Variants in ARMC3 observed in about 807,000 individuals in gnomAD.
ARMC3 encodes the protein armadillo repeat-containing protein 3.
A neutral mutation model predicts 90.3 loss-of-function variants in ARMC3; 74 were observed. That is an observed-to-expected ratio of 0.82 (90% CI 0.68 to 0.99). The LOEUF is 0.99. ARMC3 is among the 50% of genes least tolerant of loss of function. ARMC3 has a pLI of 0.00. For missense variants in ARMC3, 958 were observed against 1,042.8 expected (o/e 0.92, Z 1.12); for synonymous variants, 334 against 361.8 (o/e 0.92, Z 0.87).
At chr10:22,931,442 A>G (rs1044904391) in intron 1 of ARMC3, among the ~76,000 whole-genome samples, 2 of 152,212 alleles carry the variant, frequency 1.3e-5, no homozygotes, top group South Asian at 4.1e-4. Context: ...ATCCGGGCAA[A>G]GGACACAAAT....
At chr10:22,997,325 G>A (rs921766458) in intron 10 of ARMC3, 1 of 152,144 alleles carries the variant, frequency 6.6e-6, no homozygotes, top group African/African-American at 2.4e-5. Flanking sequence ...AACTTGGATG[G>A]GAGACTGCCC....
At chr10:22,984,320 T>C (rs1836315490) in intron 10 of ARMC3, among the ~76,000 whole-genome samples, 1 of 152,142 alleles carries the variant, frequency 6.6e-6, no homozygotes, top group Non-Finnish European at 1.5e-5. Flanking sequence ...TGGTAACATA[T>C]AATGTTGGTG....
chr10:23,006,929 C>T lies in ARMC3; in HGVS notation c.1777C>T (p.Gln593Ter). 1 of 1,613,884 alleles carries T rather than the reference C, an allele frequency of 6.2e-7. No individual in the cohort carries two copies. The highest frequency in any genetic ancestry group is 8.5e-7 in the Non-Finnish European group (1 of 1,179,900). ...GTTGCCTTTGAAGGAGCTCTGCTTA[C>T]AAGAACCAAGTGACCTACGGGCTGT... ...KLLPLKELCLQEPSDLRAVLL... is the reference protein window; with the variant it reads ...KLLPLKELCL Residue 593 changes from glutamine (Q) to a stop codon, truncating the protein, a stop_gained, in exon 14 of 19, where the codon CAA becomes TAA. Transcript: ENST00000298032. LOFTEE classifies it high-confidence loss of function.
At chr10:23,000,994 A>C (rs1293990773) in intron 11 of ARMC3, among the ~76,000 whole-genome samples, 2 of 152,238 alleles carry the variant, frequency 1.3e-5, no homozygotes, top group East Asian at 3.9e-4. Context: ...AGTTCTATCC[A>C]ATTCTTTTCT....
Position 23,001,904 on chromosome 10 carries a change from G to A in ARMC3, c.1426-15G>A. On this transcript the variant is annotated splice_polypyrimidine_tract_variant and intron_variant, in intron 11 of 18. Transcript: ENST00000298032. ...CTACACTCTTAATGTGTAACATTTT[G>A]GTTTCTGCTTTTAGTTAAGAAATTC... 1.2e-6 allele frequency: 2 copies of A among 1,611,792 alleles called. No homozygotes were observed. Among genetic ancestry groups the A allele is most frequent in the Non-Finnish European group, 1.7e-6 (2 of 1,178,960 alleles).
At chr10:23,013,802 G>T (rs193061260) in intron 16 of ARMC3, among the ~76,000 whole-genome samples, 16 of 151,730 alleles carry the variant, frequency 1.1e-4, no homozygotes, top group African/African-American at 3.6e-4. Context: ...GATTTGTGTT[G>T]ATTTATTTGT....
chr10:23,011,947 CT>C (rs1187141886), intron 16 of ARMC3, among the ~76,000 whole-genome samples: 1 of 152,210 alleles, frequency 6.6e-6, no homozygotes, highest in African/African-American at 2.4e-5. Flanking sequence ...TGCTCCCTTG[CT>C]AGGGACAGGC....
intron 10 of ARMC3, among the ~76,000 whole-genome samples, chr10:22,982,244 G>T (rs1836224016): frequency 6.6e-6 from 1 of 152,178 alleles, no homozygotes. Context: ...TGGGCGTGGT[G>T]GCATGCGCCT....
At chr10:22,980,414 T>C (rs987182036) in intron 8 of ARMC3, among the ~76,000 whole-genome samples, 3 of 152,112 alleles carry the variant, frequency 2.0e-5, no homozygotes, top group Admixed American at 6.5e-5. Flanking sequence ...TACCAGTCCC[T>C]GGTACATCTT....
chr10:22,965,235 A>C (rs1835394860), intron 7 of ARMC3, among the ~76,000 whole-genome samples: 1 of 152,210 alleles, frequency 6.6e-6, no homozygotes, highest in Admixed American at 6.5e-5. Flanking sequence ...CATTTCTTAC[A>C]GTGTAAATAT....
chr10:22,946,003 A>C, intron 2 of ARMC3, 141 bp from the exon 3 acceptor site: 1 of 517,432 alleles, frequency 1.9e-6, no homozygotes. Context: ...TTTTAATGAA[A>C]AACTTTGCAG....
At chr10:23,029,441 T>C (rs969524036) in intron 16 of ARMC3, among the ~76,000 whole-genome samples, 5 of 152,332 alleles carry the variant, frequency 3.3e-5, no homozygotes, top group African/African-American at 9.6e-5. Flanking sequence ...GGGTGAAGTA[T>C]GCTTACTCCA....
chr10:22,974,108 C>T (rs1209981180), intron 8 of ARMC3, among the ~76,000 whole-genome samples: 1 of 152,112 alleles, frequency 6.6e-6, no homozygotes, highest in African/African-American at 2.4e-5. Context: ...TTTTTATCCA[C>T]TACTGATTTT....
intron 3 of ARMC3, among the ~76,000 whole-genome samples, chr10:22,950,850 AG>A (rs1453048315): frequency 6.6e-6 from 1 of 152,190 alleles, no homozygotes; most frequent in Non-Finnish European, 1.5e-5. Flanking sequence ...ATATTATAAA[AG>A]TAAACAGAGA....
At chr10:22,956,484 T>C (rs1324115603) in intron 4 of ARMC3, among the ~76,000 whole-genome samples, 2 of 151,992 alleles carry the variant, frequency 1.3e-5, no homozygotes, top group African/African-American at 2.4e-5. Flanking sequence ...GTGCCTGTAA[T>C]CCCACCTACT....
In ARMC3 at chr10:23,027,247, C is replaced by T. The variant is rs528142341; in HGVS notation, c.2046-3349C>T. ...ATCTTTAATAGTTACATCTTCAAAT[C>T]CATGAACACAATACGTCTCATCATT... On this transcript the variant is annotated intron_variant, in intron 16 of 18. Coordinates refer to ENST00000298032, the MANE Select transcript of ARMC3 (RefSeq NM_173081.5). Among the ~76,000 whole-genome samples the T allele has an allele frequency of 2.0e-5, 3 of 152,286 alleles. No homozygotes were observed. In the East Asian group the frequency reaches 5.8e-4, roughly 29 times the overall value.
intron 2 of ARMC3, 54 bp from the exon 3 acceptor site, chr10:22,946,090 A>T: frequency 7.8e-7 from 1 of 1,274,394 alleles, no homozygotes; most frequent in Non-Finnish European, 1.1e-6. Flanking sequence ...TTCATTTTTA[A>T]TGTGATTTTT....
intron 8 of ARMC3, among the ~76,000 whole-genome samples, chr10:22,971,794 C>T (rs1422897304): frequency 1.3e-5 from 2 of 152,056 alleles, no homozygotes; most frequent in Non-Finnish European, 2.9e-5. Context: ...AGCAGCTGTA[C>T]CATTTTACAT....
chr10:22,959,935 A>G, intron 6 of ARMC3: 1 of 434,136 alleles, frequency 2.3e-6, no homozygotes, highest in South Asian at 1.7e-5. Flanking sequence ...GATGTAATAT[A>G]TACCCTATTC....
Sources: allele counts gnomAD v4.1 joint callset (sites outside exome capture counted in the v4.1 genomes callset), GRCh38; gene constraint gnomAD v4.1.1; transcripts MANE v1.5; gene names NCBI Gene and HGNC (gene_info 2026-07-23, HGNC 2026-07-21).